FAM168A: variants seen among roughly 807,000 people sequenced by gnomAD.
FAM168A encodes the protein protein FAM168A.
Under a neutral mutation model 28.5 loss-of-function variants are expected in FAM168A, and 3 were observed. The ratio of observed to expected loss-of-function variants is 0.11; its 90% CI spans 0.05 to 0.27. FAM168A has a LOEUF of 0.27. Ranked by LOEUF, FAM168A falls within the 10% of genes least tolerant of loss-of-function variation. The pLI is 1.00. For missense variants in FAM168A, 222 were observed against 311.5 expected, an observed-to-expected ratio of 0.71 and a Z score of 2.16; for synonymous variants, 122 against 124.2, an observed-to-expected ratio of 0.98 and a Z score of 0.12.
chr11:73,584,806 T>TCAAC (rs1944292444), intron 1 of FAM168A, among the ~76,000 whole-genome samples: 1 of 152,084 alleles, frequency 6.6e-6, no homozygotes, highest in African/African-American at 2.4e-5. Flanking sequence ...GAAAAAACTA[T>TCAAC]CAACCTCAGT....
At chr11:73,580,136 T>TAAAAAAAAAAAAAAAAAAAAAA in intron 1 of FAM168A, 1 of 345,594 alleles carries the variant, frequency 2.9e-6, no homozygotes. Flanking sequence ...AATGAATAAG[T>TAAAAAAAAAAAAAAAAAAAAAA]AAAAAACAAA....
Position 73,424,990 on chromosome 11 carries a change from G to A in FAM168A, c.152-4991C>T, listed in dbSNP as rs746873055. ...TTACGAGAGAACACATTCATAGGCT[G>A]TAATACAGATGAGGAAAAATAGCTT... On this transcript the variant is annotated intron_variant, in intron 3 of 7. Transcript: ENST00000356467. 20 of 1,504,342 alleles carry A rather than the reference G, an allele frequency of 1.3e-5. No individual in the cohort carries two copies. In the African/African-American group the frequency reaches 2.6e-4, roughly 20 times the overall value. The allele number at this position is 1,504,342 out of a possible 1,614,324, so 93.2% of individuals were successfully genotyped here. A position where few individuals can be genotyped will look rare whatever the true frequency, so the allele number is the denominator to read the frequency against.
intron 2 of FAM168A, among the ~76,000 whole-genome samples, chr11:73,439,291 T>C (rs1279063729): frequency 2.0e-5 from 3 of 152,174 alleles, no homozygotes; most frequent in African/African-American, 7.2e-5. Flanking sequence ...AGGCAGCTCC[T>C]CCTGAGGTAA....
chr11:73,573,142 G>A (rs985661107), intron 1 of FAM168A, among the ~76,000 whole-genome samples: 2 of 152,182 alleles, frequency 1.3e-5, no homozygotes, highest in East Asian at 1.9e-4. Flanking sequence ...CACAATAATC[G>A]CAAGACGCAC....
chr11:73,511,756 G>A (rs953469708), intron 1 of FAM168A, among the ~76,000 whole-genome samples: 20 of 152,036 alleles, frequency 1.3e-4, no homozygotes, highest in African/African-American at 3.6e-4. Context: ...TAACATCTCC[G>A]AGTCTTAGTT....
At chr11:73,466,610 C>T (rs1169129461) in intron 2 of FAM168A, among the ~76,000 whole-genome samples, 1 of 152,068 alleles carries the variant, frequency 6.6e-6, no homozygotes, top group Non-Finnish European at 1.5e-5. Flanking sequence ...TATAAATTAT[C>T]TTTACTTAGA....
At chr11:73,582,043 A>G (rs1418969982) in intron 1 of FAM168A, among the ~76,000 whole-genome samples, 1 of 151,886 alleles carries the variant, frequency 6.6e-6, no homozygotes, top group African/African-American at 2.4e-5. Flanking sequence ...CCTTGTCTCT[A>G]TTGCATCTGG....
At chr11:73,532,521 A>G (rs1330738495) in intron 1 of FAM168A, among the ~76,000 whole-genome samples, 1 of 152,202 alleles carries the variant, frequency 6.6e-6, no homozygotes, top group East Asian at 1.9e-4. Context: ...GAGCTTAAGT[A>G]TTTCTTTGTG....
intron 1 of FAM168A, among the ~76,000 whole-genome samples, chr11:73,514,828 GCCAT>G (rs140788338): frequency 0.26 from 38,647 of 146,346 alleles, 5,205 homozygotes; most frequent in Admixed American, 0.28. Flanking sequence ...GTGAGACTCT[GCCAT>G]CCATCCATCC....
At chr11:73,437,410 T>TC (rs1447313389) in intron 2 of FAM168A, among the ~76,000 whole-genome samples, 1 of 148,002 alleles carries the variant, frequency 6.8e-6, no homozygotes, top group African/African-American at 2.5e-5. Context: ...CTTTTTTTTT[T>TC]TTTTTTTTTT....
intron 1 of FAM168A, among the ~76,000 whole-genome samples, chr11:73,534,592 G>A (rs763916284): frequency 1.3e-5 from 2 of 151,846 alleles, no homozygotes; most frequent in African/African-American, 4.8e-5. Context: ...TAGTAGAGAC[G>A]GGGTTTCGTC....
At chr11:73,581,891 G>A (rs909527847) in intron 1 of FAM168A, among the ~76,000 whole-genome samples, 1 of 151,956 alleles carries the variant, frequency 6.6e-6, no homozygotes, top group South Asian at 2.1e-4. Context: ...GCTAATTTTT[G>A]TATTTTTAGT....
chr11:73,492,227 G>T (rs191219134), intron 1 of FAM168A, among the ~76,000 whole-genome samples: 15 of 152,242 alleles, frequency 9.9e-5, no homozygotes, highest in Middle Eastern at 3.4e-3. Flanking sequence ...AGGCAAGAAC[G>T]AAAGATCAAG....
chr11:73,409,064 G>A (rs1866559761), intron 6 of FAM168A, among the ~76,000 whole-genome samples: 1 of 151,956 alleles, frequency 6.6e-6, no homozygotes, highest in African/African-American at 2.4e-5. Flanking sequence ...CCACATCCCT[G>A]CCCTGCTTGA....
Position 73,411,510 on chromosome 11 carries a change from C to A in FAM168A, c.304G>T (p.Val102Phe), listed in dbSNP as rs1190205101. ...GCAGTGTTACTCTGGGTCGGTGGGACCTTGTATGGTGTCCCCGCAGTATAT... is the reference window on the plus strand; with the variant it reads ...GCAGTGTTACTCTGGGTCGGTGGGAACTTGTATGGTGTCCCCGCAGTATAT... Reference protein sequence around the residue: ...FRYTAGTPYKVPPTQSNTAPP... With the variant: ...FRYTAGTPYKFPPTQSNTAPP... Residue 102 changes from valine (V) to phenylalanine (F), a missense_variant, in exon 5 of 8, where the codon GTC becomes TTC. By Grantham distance (50) the Val-to-Phe change is conservative. Around this residue, in one of 3 missense-constraint regions of FAM168A, gnomAD observed 153 missense variants for 189.2 expected, o/e 0.81. Coordinates refer to ENST00000356467, the MANE Select transcript of FAM168A (RefSeq NM_015159.3). The A allele has an allele frequency of 6.2e-7, 1 of 1,613,798 alleles. No homozygotes were observed. Among genetic ancestry groups the A allele is most frequent in the Non-Finnish European group, 8.5e-7 (1 of 1,179,950 alleles).
chr11:73,585,871 CAAAAAAAAAAA>C (rs11358691), intron 1 of FAM168A, among the ~76,000 whole-genome samples: 4 of 81,664 alleles, frequency 4.9e-5, no homozygotes, highest in East Asian at 4.0e-4. Context: ...CCATCTCAAA[CAAAAAAAAAAA>C]AAAAAAAAAA....
intron 1 of FAM168A, among the ~76,000 whole-genome samples, chr11:73,533,313 C>G (rs1482111306): frequency 6.6e-6 from 1 of 151,978 alleles, no homozygotes; most frequent in Admixed American, 6.6e-5. Context: ...ATTCAGCAAC[C>G]CAATTACCTT....
intron 1 of FAM168A, among the ~76,000 whole-genome samples, chr11:73,484,570 C>CTATATATG (rs1288707888): frequency 2.8e-5 from 4 of 144,206 alleles, no homozygotes; most frequent in Middle Eastern, 3.6e-3. Flanking sequence ...ATCTATATAT[C>CTATATATG]TATATATCGA....
rs1194824612 is a variant in FAM168A, at chr11:73,404,617, A to G, written c.*2146T>C. On this transcript the variant is annotated 3_prime_UTR_variant, in exon 8 of 8. Transcript: ENST00000356467. ...GAAACCTCATCAGCACCCAGAACAGATAATTTAGAACAGCTGAATTTTTTC... is the reference window on the plus strand; with the variant it reads ...GAAACCTCATCAGCACCCAGAACAGGTAATTTAGAACAGCTGAATTTTTTC... 2 of 152,246 alleles carry G rather than the reference A, an allele frequency of 1.3e-5. No homozygotes were observed. Among genetic ancestry groups the G allele is most frequent in the East Asian group, 1.9e-4 (1 of 5,204 alleles). The allele number at this position is 152,246 out of a possible 1,614,324, so 9.4% of individuals were successfully genotyped here.
Sources: allele counts gnomAD v4.1 joint callset (sites outside exome capture counted in the v4.1 genomes callset), GRCh38; gene constraint gnomAD v4.1.1; regional missense constraint gnomAD v4.1.1; transcripts MANE v1.5; gene names NCBI Gene and HGNC (gene_info 2026-07-23, HGNC 2026-07-21).